GALNT13: variants seen among roughly 807,000 people sequenced by gnomAD.
GALNT13 encodes the protein polypeptide N-acetylgalactosaminyltransferase 13.
A neutral mutation model predicts 64.2 loss-of-function variants in GALNT13; 28 were observed. The observed-to-expected ratio is 0.44, with a 90% confidence interval of 0.32 to 0.60. GALNT13 has a LOEUF of 0.60. Among genes scored for constraint, GALNT13 ranks in the 20% least tolerant of loss-of-function variants. GALNT13 has a pLI of 0.05. For missense variants in GALNT13, 577 were observed against 669.8 expected (o/e 0.86, Z 1.53); for synonymous variants, 214 against 224.6 (o/e 0.95, Z 0.42).
At chr2:153,325,940 G>T in the GALNT13 span, among the ~76,000 whole-genome samples, 1 of 152,144 alleles carries the variant, frequency 6.6e-6, no homozygotes, top group African/African-American at 2.4e-5. Flanking sequence ...TTTAGAATAA[G>T]TGTTATGTGG....
intron 3 of GALNT13, among the ~76,000 whole-genome samples, chr2:154,028,659 C>T (rs7577087): frequency 0.77 from 116,251 of 151,940 alleles, 44,857 homozygotes; most frequent in East Asian, 0.96. Context: ...ACTTGACTCA[C>T]ATTTTTATTA....
intron 8 of GALNT13, among the ~76,000 whole-genome samples, chr2:154,268,667 G>A (rs989007931): frequency 5.9e-5 from 9 of 151,980 alleles, no homozygotes; most frequent in Admixed American, 4.6e-4. Context: ...ACTCCAAAGA[G>A]AAACAAATGA....
the GALNT13 span, among the ~76,000 whole-genome samples, chr2:153,629,204 AT>A: frequency 9.4e-5 from 14 of 149,046 alleles, no homozygotes; most frequent in African/African-American, 9.8e-5. Flanking sequence ...CCCCTTTATC[AT>A]TTTTTTTTTG....
Position 154,040,337 on chromosome 2 carries a change from G to C in GALNT13, c.142+95698G>C, listed in dbSNP as rs1558925217. On this transcript the variant is annotated intron_variant, in intron 3 of 12. Coordinates refer to ENST00000392825, the MANE Select transcript of GALNT13 (RefSeq NM_052917.4). ...GTGTTCAAATCTAAGTCATCTTTCT[G>C]ATGTATCTTAGGCATTGAAGTTTTG... Among the ~76,000 whole-genome samples the C allele has an allele frequency of 1.4e-5, 2 of 141,110 alleles. 1 individual carries two copies. The highest frequency in any genetic ancestry group is 4.9e-5 in the African/African-American group (2 of 40,964). The allele number at this position is 141,110 out of a possible 152,430, so 92.6% of individuals were successfully genotyped here.
intron 9 of GALNT13, among the ~76,000 whole-genome samples, chr2:154,302,641 T>A (rs550496441): frequency 6.6e-6 from 1 of 152,048 alleles, no homozygotes; most frequent in Admixed American, 6.6e-5. Flanking sequence ...GTGCCCAAGA[T>A]GGTTGGGTTA....
chr2:153,135,972 AG>A, the GALNT13 span, among the ~76,000 whole-genome samples: 1 of 152,130 alleles, frequency 6.6e-6, no homozygotes, highest in Non-Finnish European at 1.5e-5. Flanking sequence ...AATATTTATC[AG>A]TATGATGCAG....
the GALNT13 span, among the ~76,000 whole-genome samples, chr2:153,551,759 A>G: frequency 9.8e-5 from 15 of 152,322 alleles, no homozygotes; most frequent in South Asian, 2.1e-4. Flanking sequence ...TGTCCATTCT[A>G]TGTCAGAGCA....
the GALNT13 span, among the ~76,000 whole-genome samples, chr2:153,359,216 T>C: frequency 6.6e-6 from 1 of 152,230 alleles, no homozygotes; most frequent in African/African-American, 2.4e-5. Context: ...CGAACTGGAA[T>C]TGCCAGATCA....
the GALNT13 span, among the ~76,000 whole-genome samples, chr2:153,540,850 T>C: frequency 1.3e-5 from 2 of 152,232 alleles, no homozygotes; most frequent in Non-Finnish European, 1.5e-5. Flanking sequence ...CCCCATTGTA[T>C]CTAGAAAGTA....
At chr2:153,428,498 C>G in the GALNT13 span, among the ~76,000 whole-genome samples, 1 of 152,254 alleles carries the variant, frequency 6.6e-6, no homozygotes, top group African/African-American at 2.4e-5. Context: ...TCAGGCCCCA[C>G]CTTCAACACT....
At chr2:153,161,758 G>A in the GALNT13 span, among the ~76,000 whole-genome samples, 1 of 152,254 alleles carries the variant, frequency 6.6e-6, no homozygotes, top group East Asian at 1.9e-4. Flanking sequence ...GTTTTGTAGA[G>A]TCTTGTAAGC....
At chr2:153,265,710 T>C in the GALNT13 span, among the ~76,000 whole-genome samples, 1 of 152,314 alleles carries the variant, frequency 6.6e-6, no homozygotes, top group South Asian at 2.1e-4. Context: ...TTGGTGTTCC[T>C]GTGCAGAAGA....
At chr2:153,782,144 T>G in the GALNT13 span, among the ~76,000 whole-genome samples, 14 of 152,212 alleles carry the variant, frequency 9.2e-5, no homozygotes, top group African/African-American at 3.4e-4. Flanking sequence ...GAGTATTTAC[T>G]GAGGTACAGT....
chr2:154,160,062 T>C (rs992334466), intron 4 of GALNT13, among the ~76,000 whole-genome samples: 4 of 152,214 alleles, frequency 2.6e-5, no homozygotes, highest in Admixed American at 1.3e-4. Flanking sequence ...TCCTGTACTT[T>C]CCTCTAAATT....
chr2:154,364,242 A>G (rs1697235840), intron 9 of GALNT13, among the ~76,000 whole-genome samples: 1 of 152,236 alleles, frequency 6.6e-6, no homozygotes, highest in Non-Finnish European at 1.5e-5. Flanking sequence ...GAGTTAAAAT[A>G]GAAACTTAAT....
chr2:154,317,977 T>C (rs187616697), intron 9 of GALNT13, among the ~76,000 whole-genome samples: 1 of 151,926 alleles, frequency 6.6e-6, no homozygotes. Flanking sequence ...TTTTGCAGAC[T>C]ATCAGTTTGT....
the GALNT13 span, among the ~76,000 whole-genome samples, chr2:153,642,799 AT>A: frequency 6.6e-6 from 1 of 151,850 alleles, no homozygotes; most frequent in Non-Finnish European, 1.5e-5. Context: ...CCTTTACAAA[AT>A]TTGCTCATGA....
chr2:153,674,759 G>A, the GALNT13 span, among the ~76,000 whole-genome samples: 11 of 151,872 alleles, frequency 7.2e-5, no homozygotes, highest in Non-Finnish European at 4.4e-5. Context: ...GAGAGTGAAC[G>A]GGCAACCTAC....
the GALNT13 span, among the ~76,000 whole-genome samples, chr2:153,492,152 T>C: frequency 6.6e-6 from 1 of 152,314 alleles, no homozygotes; most frequent in African/African-American, 2.4e-5. Context: ...TTTATGAGTC[T>C]TCTCAAATCC....
Sources: gnomAD v4.1 joint callset for allele counts (sites outside exome capture counted in the v4.1 genomes callset) on GRCh38, gnomAD v4.1.1 for gene constraint, MANE v1.5 for transcripts, NCBI Gene and HGNC (gene_info 2026-07-23, HGNC 2026-07-21) for gene names.